The following ANOS1 variants were observed in gnomAD, a reference collection of about 807,000 sequenced individuals.
The protein encoded by ANOS1 is anosmin-1.
ANOS1 carries 6 observed loss-of-function variants against 59.0 expected under a neutral mutation model. That is an observed-to-expected ratio of 0.10 (90% confidence interval 0.06 to 0.20). The LOEUF (loss-of-function observed/expected upper bound fraction) is 0.20. Ranked by LOEUF, ANOS1 falls within the 10% of genes least tolerant of loss-of-function variation. The pLI is 1.00. For missense variants in ANOS1, 433 were observed against 542.3 expected (o/e 0.80, Z 2.00); for synonymous variants, 217 against 223.4 (o/e 0.97, Z 0.25).
intron 2 of ANOS1, among the ~76,000 whole-genome samples, chrX:8,670,250 A>G (rs1320096224): frequency 9.0e-6 from 1 of 111,510 alleles, no homozygotes; most frequent in Non-Finnish European, 1.9e-5. Flanking sequence ...AAGATGTACC[A>G]GAACATTTAC....
intron 2 of ANOS1, among the ~76,000 whole-genome samples, chrX:8,661,173 G>T (rs1479157259): frequency 9.0e-6 from 1 of 110,666 alleles, no homozygotes; most frequent in Non-Finnish European, 1.9e-5. Flanking sequence ...GTGTGTCTAT[G>T]TCCTCATCTC....
At chrX:8,665,697 A>C (rs1053232546) in intron 2 of ANOS1, among the ~76,000 whole-genome samples, 1 of 112,365 alleles carries the variant, frequency 8.9e-6, no homozygotes, top group Non-Finnish European at 1.9e-5. Flanking sequence ...ATTCACTTAA[A>C]CATTTTTTAA....
Position 8,587,826 on chromosome X carries a change from C to T in ANOS1, c.694G>A (p.Asp232Asn), listed in dbSNP as rs1434757422. ...RWNYGIHPSE[D>N]DATHWQTVAQ... Reference sequence around the variant, plus strand: ...ACTGTCTGCCAGTGAGTGGCGTCATCTTCGCTAGGATGGATTCCATAATTC... The same window carrying T: ...ACTGTCTGCCAGTGAGTGGCGTCATTTTCGCTAGGATGGATTCCATAATTC... The change falls in exon 5 of 14, where the codon GAT becomes AAT. Residue 232 changes from aspartate (D) to asparagine (N), a missense_variant. Physicochemically the swap from Asp to Asn is conservative, Grantham distance 23 (BLOSUM62 1). Transcript: ENST00000262648. 17 of 1,204,111 alleles carry T rather than the reference C, an allele frequency of 1.4e-5. No individual in the cohort carries two copies. Among genetic ancestry groups the T allele is most frequent in the Non-Finnish European group, 1.9e-5 (17 of 891,894 alleles).
intron 2 of ANOS1, among the ~76,000 whole-genome samples, chrX:8,691,792 A>G (rs1453745670): frequency 3.6e-5 from 4 of 112,291 alleles, no homozygotes; most frequent in Non-Finnish European, 7.5e-5. Context: ...ACTTTTGCCA[A>G]TTTTCAAATC....
intron 2 of ANOS1, among the ~76,000 whole-genome samples, chrX:8,692,963 A>G (rs1216872351): frequency 1.8e-5 from 2 of 112,200 alleles, no homozygotes; most frequent in Non-Finnish European, 3.8e-5. Flanking sequence ...ATGGGTAGAG[A>G]GAAGGATATT....
At chrX:8,568,606 G>C (rs1466589063) in intron 7 of ANOS1, among the ~76,000 whole-genome samples, 2 of 110,472 alleles carry the variant, frequency 1.8e-5, no homozygotes, top group Non-Finnish European at 3.8e-5. Flanking sequence ...GCCCGAGGTG[G>C]GAGGATCGCT....
intron 4 of ANOS1, among the ~76,000 whole-genome samples, chrX:8,595,029 C>T (rs964605683): frequency 1.8e-5 from 2 of 109,395 alleles, no homozygotes; most frequent in South Asian, 3.9e-4. Flanking sequence ...GCCCGTTCTA[C>T]AATATTCCCC....
At chrX:8,589,615 C>G (rs1240449467) in intron 4 of ANOS1, among the ~76,000 whole-genome samples, 1 of 112,192 alleles carries the variant, frequency 8.9e-6, no homozygotes, top group Non-Finnish European at 1.9e-5. Flanking sequence ...GGAACTTCAC[C>G]AAGTCAGTCT....
chrX:8,605,214 GC>G (rs1432644713), intron 3 of ANOS1, among the ~76,000 whole-genome samples: 1 of 109,380 alleles, frequency 9.1e-6, no homozygotes, highest in Non-Finnish European at 1.9e-5. Context: ...TCTCAGCATT[GC>G]CCCCTCCCTA....
chrX:8,688,603 T>C (rs182608759), intron 2 of ANOS1, among the ~76,000 whole-genome samples: 1 of 112,415 alleles, frequency 8.9e-6, no homozygotes, highest in African/African-American at 3.2e-5. Context: ...CGGAGGTGCA[T>C]TTCCCCTTCC....
At chrX:8,622,381 A>ATTGTCCTAAT (rs1569066052) in intron 3 of ANOS1, among the ~76,000 whole-genome samples, 1 of 112,010 alleles carries the variant, frequency 8.9e-6, no homozygotes, top group Admixed American at 9.5e-5. Context: ...TGAAGCCATT[A>ATTGTCCTAAT]TTGTCCTAAT....
At position 8,554,118 on chromosome X, in the gene ANOS1, T is replaced by C. The variant is rs1160656591; in HGVS notation, c.1208-20A>G. ...GTTCTTCTACAACAAAGTACAACAT[T>C]CTAAGTTACTTGTTAAAAGTAATTA... On this transcript the variant is annotated intron_variant, in intron 8 of 13. Transcript: ENST00000262648. 9.4e-6 allele frequency: 11 copies of C among 1,174,234 alleles called. No homozygotes were observed. The highest frequency in any genetic ancestry group is 1.8e-5 in the South Asian group (1 of 55,365).
At chrX:8,703,375 G>A (rs1040087295) in intron 1 of ANOS1, among the ~76,000 whole-genome samples, 5 of 112,016 alleles carry the variant, frequency 4.5e-5, no homozygotes, top group Admixed American at 1.9e-4. Context: ...TCACTAACGC[G>A]GCAATACACC....
chrX:8,661,046 C>G (rs901150927), intron 2 of ANOS1, among the ~76,000 whole-genome samples: 4 of 111,501 alleles, frequency 3.6e-5, no homozygotes, highest in Non-Finnish European at 5.6e-5. Context: ...TTCCCACACC[C>G]CTGGAGGCTG....
chrX:8,699,832 A>G lies in ANOS1; in HGVS notation c.208-87T>C, dbSNP rs202229312. On this transcript the variant is annotated intron_variant, in intron 1 of 13. Coordinates refer to ENST00000262648, the MANE Select transcript of ANOS1 (RefSeq NM_000216.4). ...ATTTAAAATTATAATTTATGCATAT[A>G]ATTTTTGAATATTTGCATTTTAACA... The G allele has an allele frequency of 1.2e-5, 8 of 689,115 alleles. No individual in the cohort carries two copies. In the East Asian group the frequency reaches 2.1e-4, roughly 18 times the overall value. 56.8% of individuals were successfully genotyped at this position (689,115 alleles called of 1,213,427 possible). A position where few individuals can be genotyped will look rare whatever the true frequency, so the allele number is the denominator to read the frequency against.
Position 8,671,956 on chromosome X carries a change from C to T in ANOS1, c.255+27742G>A, listed in dbSNP as rs144164613. Among the ~76,000 whole-genome samples, 18 of 110,130 alleles carry T rather than the reference C, an allele frequency of 1.6e-4. No homozygotes were observed. In the East Asian group the frequency reaches 5.1e-3, roughly 31 times the overall value. Reference sequence around the variant, plus strand: ...AAGATCTACTCTTTCAGTGATTTTCCGGAATACAATACATTATTAACTATA... The same window carrying T: ...AAGATCTACTCTTTCAGTGATTTTCTGGAATACAATACATTATTAACTATA... On this transcript the variant is annotated intron_variant, in intron 2 of 13. Transcript: ENST00000262648.
chrX:8,675,662 T>G (rs1261892872), intron 2 of ANOS1, among the ~76,000 whole-genome samples: 1 of 111,111 alleles, frequency 9.0e-6, no homozygotes, highest in Non-Finnish European at 1.9e-5. Context: ...GGGGTCTCTC[T>G]CTGGGTGCCT....
chrX:8,615,611 C>A (rs1051252811), intron 3 of ANOS1, among the ~76,000 whole-genome samples: 1 of 110,795 alleles, frequency 9.0e-6, no homozygotes, highest in Non-Finnish European at 1.9e-5. Context: ...CAGCCTCCAT[C>A]CCTTTGTCTG....
At chrX:8,545,061 CA>C (rs759787339) in intron 9 of ANOS1, among the ~76,000 whole-genome samples, 1,208 of 20,466 alleles carry the variant, frequency 0.059, 2 homozygotes, top group Non-Finnish European at 0.067. Context: ...AGAGAAACTC[CA>C]AAAAAAAAAA....
Sources: gnomAD v4.1 joint callset for allele counts (sites outside exome capture counted in the v4.1 genomes callset) on GRCh38, gnomAD v4.1.1 for gene constraint, MANE v1.5 for transcripts, NCBI Gene and HGNC (gene_info 2026-07-23, HGNC 2026-07-21) for gene names.